Variants in ZSCAN5A observed in about 807,000 individuals in gnomAD.
ZSCAN5A encodes the protein zinc finger and SCAN domain-containing protein 5A.
A neutral mutation model predicts 23.7 loss-of-function variants in ZSCAN5A; 12 were observed. The observed-to-expected ratio is 0.51, with a 90% CI of 0.32 to 0.82. ZSCAN5A has a LOEUF of 0.82. Among genes scored for constraint, ZSCAN5A ranks in the 40% least tolerant of loss-of-function variants. The pLI is 0.03. For synonymous variants in ZSCAN5A, 257 were observed against 239.9 expected, an observed-to-expected ratio of 1.07 and a Z score of -0.66; for missense variants, 597 against 617.9, an observed-to-expected ratio of 0.97 and a Z score of 0.36.
chr19:56,332,547 T>C (rs2041499237), intron 2 of ZSCAN5A, among the ~76,000 whole-genome samples: 1 of 152,252 alleles, frequency 6.6e-6, no homozygotes, highest in Non-Finnish European at 1.5e-5. Flanking sequence ...GTATGGGTGT[T>C]GTCACATGTG....
At chr19:56,241,003 C>T (rs1311503673) in intron 2 of ZSCAN5A, among the ~76,000 whole-genome samples, 1 of 152,154 alleles carries the variant, frequency 6.6e-6, no homozygotes, top group African/African-American at 2.4e-5. Flanking sequence ...GCCACCTTGC[C>T]GGCCGCACTC....
At chr19:56,290,779 A>G (rs956314744) in intron 2 of ZSCAN5A, among the ~76,000 whole-genome samples, 1 of 152,176 alleles carries the variant, frequency 6.6e-6, no homozygotes, top group Non-Finnish European at 1.5e-5. Flanking sequence ...TGCTGATTCT[A>G]TTCTCTTGCT....
intron 2 of ZSCAN5A, among the ~76,000 whole-genome samples, chr19:56,252,954 C>T (rs913438711): frequency 6.6e-6 from 1 of 152,248 alleles, no homozygotes. Context: ...AAGATGGCGG[C>T]GCAGTGGCGC....
intron 2 of ZSCAN5A, among the ~76,000 whole-genome samples, chr19:56,278,101 A>AT (rs34892463): frequency 0.41 from 59,602 of 144,732 alleles, 13,160 homozygotes; most frequent in Non-Finnish European, 0.51. Context: ...ACAATGTGCT[A>AT]TTTTTTTTTT....
intron 2 of ZSCAN5A, among the ~76,000 whole-genome samples, chr19:56,258,481 G>A (rs1471074245): frequency 6.5e-4 from 90 of 138,362 alleles, no homozygotes; most frequent in African/African-American, 2.5e-3. Flanking sequence ...TGACAGAGAC[G>A]CCTTCCAGTG....
intron 2 of ZSCAN5A, chr19:56,282,585 T>C: frequency 1.2e-6 from 1 of 838,290 alleles, no homozygotes; most frequent in Non-Finnish European, 1.4e-6. Flanking sequence ...TCGACTTACG[T>C]TTCTTCTCTG....
chr19:56,364,139 C>T (rs1365010858), intron 1 of ZSCAN5A, among the ~76,000 whole-genome samples: 1 of 152,118 alleles, frequency 6.6e-6, no homozygotes, highest in Non-Finnish European at 1.5e-5. Flanking sequence ...AGGGGATGAA[C>T]AGCTGGAGAG....
At chr19:56,320,884 G>A (rs1312319897) in intron 2 of ZSCAN5A, 2 of 766,274 alleles carry the variant, frequency 2.6e-6, no homozygotes, top group Non-Finnish European at 4.9e-6. Flanking sequence ...TGTAGAGTGT[G>A]GGGTTCCAAT....
intron 2 of ZSCAN5A, among the ~76,000 whole-genome samples, chr19:56,253,532 G>A (rs920768874): frequency 6.6e-6 from 1 of 152,188 alleles, no homozygotes; most frequent in African/African-American, 2.4e-5. Flanking sequence ...CTGGGTGGCA[G>A]TCTGTGCACC....
intron 2 of ZSCAN5A, among the ~76,000 whole-genome samples, chr19:56,284,511 TA>T (rs2038957424): frequency 9.4e-6 from 1 of 106,144 alleles, no homozygotes; most frequent in East Asian, 2.2e-4. Flanking sequence ...ATGCTTGCTG[TA>T]ATTTTTTTTT....
At chr19:56,231,377 A>C (rs1309651965) in intron 2 of ZSCAN5A, among the ~76,000 whole-genome samples, 1 of 152,240 alleles carries the variant, frequency 6.6e-6, no homozygotes, top group Non-Finnish European at 1.5e-5. Flanking sequence ...TTGTAAATTT[A>C]TAAAGTTAAT....
upstream of ZSCAN5A, chr19:56,317,175 G>A (rs1336915995): frequency 3.9e-5 from 6 of 152,254 alleles, no homozygotes; most frequent in Admixed American, 2.0e-4. Context: ...CTTTCTAGAT[G>A]AAGGAGGATC....
chr19:56,221,873 C>G lies in ZSCAN5A; in HGVS notation c.1193G>C (p.Ser398Thr). ...LCGKRFMQLI[S>T]LQFHQRTHTG... The stretch of plus-strand genomic sequence containing the variant: ...GTGGGTTCGCTGGTGAAATTGGAGG[C>G]TAATAAGCTGCATGAAGCGCTTCCC... The change falls in exon 6 of 6, where the codon AGC (serine) becomes ACC (threonine). Residue 398 changes from serine to threonine, a missense_variant. By Grantham distance (58) the Ser-to-Thr change is moderately conservative (BLOSUM62 1). Coordinates refer to ENST00000683990, the MANE Select transcript of ZSCAN5A (RefSeq NM_001322064.3). The G allele has an allele frequency of 6.2e-7, 1 of 1,614,134 alleles. No homozygotes were observed. The highest frequency in any genetic ancestry group is 1.7e-5 in the Admixed American group (1 of 60,008).
chr19:56,234,575 G>A (rs1228664232), intron 2 of ZSCAN5A, among the ~76,000 whole-genome samples: 1 of 151,644 alleles, frequency 6.6e-6, no homozygotes, highest in Non-Finnish European at 1.5e-5. Context: ...GGGCCTGCCT[G>A]GCCTAAACCC....
chr19:56,339,774 G>A (rs578014336), intron 2 of ZSCAN5A, among the ~76,000 whole-genome samples: 2 of 118,504 alleles, frequency 1.7e-5, no homozygotes, highest in Admixed American at 8.1e-5. Flanking sequence ...GTGAAGGAGC[G>A]GTTGTAGCCG....
chr19:56,328,930 G>C (rs1277299560), intron 2 of ZSCAN5A, among the ~76,000 whole-genome samples: 1 of 150,578 alleles, frequency 6.6e-6, no homozygotes, highest in Non-Finnish European at 1.5e-5. Context: ...AGGAGGCGGA[G>C]CTTGCAGTGA....
At chr19:56,286,107 C>T (rs563077390) in intron 2 of ZSCAN5A, among the ~76,000 whole-genome samples, 12 of 152,184 alleles carry the variant, frequency 7.9e-5, no homozygotes, top group African/African-American at 2.7e-4. Context: ...TTGCAACCTC[C>T]GCCTCCCGGG....
intron 2 of ZSCAN5A, among the ~76,000 whole-genome samples, chr19:56,269,190 G>C (rs2037673355): frequency 6.6e-6 from 1 of 152,088 alleles, no homozygotes; most frequent in Non-Finnish European, 1.5e-5. Context: ...TTAACTTTTT[G>C]AGAAACTGCC....
intron 2 of ZSCAN5A, among the ~76,000 whole-genome samples, chr19:56,344,299 G>A (rs147116024): frequency 6.5e-4 from 99 of 152,366 alleles, no homozygotes; most frequent in Admixed American, 2.2e-3. Flanking sequence ...TTACGGTAAT[G>A]TTACTAAATT....
Sources: allele counts gnomAD v4.1 joint callset (sites outside exome capture counted in the v4.1 genomes callset), GRCh38; gene constraint gnomAD v4.1.1; transcripts MANE v1.5; gene names NCBI Gene and HGNC (gene_info 2026-07-23, HGNC 2026-07-21).